Variants in SPSB4 observed in about 807,000 individuals in gnomAD.
SPSB4 encodes the protein SPRY domain-containing SOCS box protein 4.
A neutral mutation model predicts 20.9 loss-of-function variants in SPSB4; 21 were observed. The ratio of observed to expected loss-of-function variants is 1.01; its 90% CI spans 0.71 to 1.45. The LOEUF is 1.45. Ranked by LOEUF, SPSB4 falls within the 40% of genes most tolerant of loss-of-function variation. SPSB4 has a pLI of 0.00. For missense variants in SPSB4, 399 were observed against 399.2 expected, an observed-to-expected ratio of 1.00 and a Z score of 0.00; for synonymous variants, 207 against 183.8, an observed-to-expected ratio of 1.13 and a Z score of -1.02.
chr3:141,131,086 T>C (rs1215880658), intron 2 of SPSB4, among the ~76,000 whole-genome samples: 1 of 152,124 alleles, frequency 6.6e-6, no homozygotes, highest in East Asian at 1.9e-4. Flanking sequence ...AAGACACATT[T>C]TAGAGAGAAC....
chr3:141,066,894 C>G lies in SPSB4; in HGVS notation c.694+96C>G, dbSNP rs573536585. On this transcript the variant is annotated intron_variant, in intron 2 of 2. Transcript: ENST00000310546. ...ACCTCCATCGCCACTTGGGAGGATCCTGCAATGTGGAGGAATGGTCAGGAC... is the reference window on the plus strand; with the variant it reads ...ACCTCCATCGCCACTTGGGAGGATCGTGCAATGTGGAGGAATGGTCAGGAC... The G allele has an allele frequency of 8.0e-5, 102 of 1,267,886 alleles. No homozygotes were observed. In the African/African-American group the frequency reaches 1.3e-3, roughly 16 times the overall value. 78.5% of individuals were successfully genotyped at this position (1,267,886 alleles called of 1,614,324 possible). A position where few individuals can be genotyped will look rare whatever the true frequency, so the allele number is the denominator to read the frequency against.
chr3:141,082,618 G>GCTATGTATCTAT lies in SPSB4; in HGVS notation c.694+15824_694+15825insGTATCTATCTAT, dbSNP rs113189039. ...ATTATCTCCTTGCCCCAACCCAGGT[G>GCTATGTATCTAT]CTATCTATCTATCTATCTATCTATC... On this transcript the variant is annotated intron_variant, in intron 2 of 2. Transcript: ENST00000310546. Among the ~76,000 whole-genome samples the GCTATGTATCTAT allele has an allele frequency of 3.0e-3, 438 of 146,416 alleles. 4 individuals are homozygous for GCTATGTATCTAT. The highest frequency in any genetic ancestry group is 0.025 in the South Asian group (110 of 4,374).
At chr3:141,097,674 G>C (rs184409149) in intron 2 of SPSB4, among the ~76,000 whole-genome samples, 26 of 152,232 alleles carry the variant, frequency 1.7e-4, no homozygotes, top group Non-Finnish European at 3.2e-4. Flanking sequence ...GTTCAGTGAG[G>C]AGGAATGGTC....
At chr3:141,115,797 C>T (rs1278625496) in intron 2 of SPSB4, among the ~76,000 whole-genome samples, 3 of 152,196 alleles carry the variant, frequency 2.0e-5, no homozygotes, top group East Asian at 3.8e-4. Flanking sequence ...CAATTTTCCT[C>T]TTCTGGAGTA....
intron 2 of SPSB4, among the ~76,000 whole-genome samples, chr3:141,107,428 G>A (rs1202314774): frequency 1.3e-5 from 2 of 152,210 alleles, no homozygotes; most frequent in East Asian, 1.9e-4. Flanking sequence ...CAGCGACAGA[G>A]AAAACAGAGT....
At chr3:141,146,499 G>A (rs773125052) in intron 2 of SPSB4, among the ~76,000 whole-genome samples, 17 of 152,106 alleles carry the variant, frequency 1.1e-4, no homozygotes, top group Non-Finnish European at 2.2e-4. Flanking sequence ...ACACCAGGCC[G>A]GGCGCGGTGG....
At chr3:141,102,223 A>G (rs1938622427) in intron 2 of SPSB4, among the ~76,000 whole-genome samples, 1 of 152,186 alleles carries the variant, frequency 6.6e-6, no homozygotes, top group Non-Finnish European at 1.5e-5. Context: ...GTCACTTAGT[A>G]ACTGAGTAAT....
chr3:141,064,283 A>G (rs938191024), intron 1 of SPSB4, among the ~76,000 whole-genome samples: 8 of 152,170 alleles, frequency 5.3e-5, no homozygotes, highest in African/African-American at 1.9e-4. Context: ...TCAGGTTATA[A>G]ATGTGTTCTA....
At chr3:141,130,822 A>G (rs913970099) in intron 2 of SPSB4, among the ~76,000 whole-genome samples, 4 of 152,222 alleles carry the variant, frequency 2.6e-5, no homozygotes, top group Non-Finnish European at 4.4e-5. Context: ...GGGAAGTCCA[A>G]TGGCTCACCT....
Position 141,121,993 on chromosome 3 carries a change from C to T in SPSB4, c.695-25149C>T, listed in dbSNP as rs552419907. ...CTGCAATCCTTTAGAGGAGAAGAGA[C>T]GCTCTGGTTTTTGGAATTTTCAGCT... On this transcript the variant is annotated intron_variant, in intron 2 of 2. Coordinates refer to ENST00000310546, the MANE Select transcript of SPSB4 (RefSeq NM_080862.3). Among the ~76,000 whole-genome samples, 106 of 152,258 alleles carry T rather than the reference C, an allele frequency of 7.0e-4. 2 individuals are homozygous for T. The highest frequency in any genetic ancestry group is 3.4e-3 in the Middle Eastern group (1 of 294).
chr3:141,073,726 C>A (rs1210579081), intron 2 of SPSB4, among the ~76,000 whole-genome samples: 4 of 152,212 alleles, frequency 2.6e-5, no homozygotes, highest in Non-Finnish European at 2.9e-5. Context: ...CTTTCCTCTG[C>A]CACAGGGGGA....
At chr3:141,098,366 T>G (rs1222518269) in intron 2 of SPSB4, among the ~76,000 whole-genome samples, 1 of 152,260 alleles carries the variant, frequency 6.6e-6, no homozygotes, top group Non-Finnish European at 1.5e-5. Context: ...TAGATTATTT[T>G]AATGGATAAA....
intron 2 of SPSB4, among the ~76,000 whole-genome samples, chr3:141,133,006 G>A (rs1214993706): frequency 6.6e-6 from 1 of 151,924 alleles, no homozygotes; most frequent in Non-Finnish European, 1.5e-5. Flanking sequence ...GGCCATTCTT[G>A]CAGGAGTAAG....
chr3:141,112,123 T>G (rs1017659802), intron 2 of SPSB4, among the ~76,000 whole-genome samples: 2 of 152,250 alleles, frequency 1.3e-5, no homozygotes, highest in Non-Finnish European at 2.9e-5. Flanking sequence ...GGATCCCCAC[T>G]GATCACTCAC....
chr3:141,093,639 G>A (rs567965885), intron 2 of SPSB4, among the ~76,000 whole-genome samples: 5 of 152,256 alleles, frequency 3.3e-5, no homozygotes, highest in South Asian at 4.1e-4. Flanking sequence ...ACCCTGCGGC[G>A]CTGCAGAAGG....
chr3:141,123,284 A>C (rs1446486592), intron 2 of SPSB4, among the ~76,000 whole-genome samples: 1 of 152,232 alleles, frequency 6.6e-6, no homozygotes, highest in Non-Finnish European at 1.5e-5. Context: ...TGCCTAGAAC[A>C]TTGATAATCA....
chr3:141,086,856 CTT>C (rs1938352940), intron 2 of SPSB4, among the ~76,000 whole-genome samples: 1 of 152,182 alleles, frequency 6.6e-6, no homozygotes, highest in Admixed American at 6.5e-5. Context: ...TAACATTCCT[CTT>C]GGGGAAACTG....
chr3:141,091,610 T>C (rs746408030), intron 2 of SPSB4, among the ~76,000 whole-genome samples: 4 of 152,190 alleles, frequency 2.6e-5, no homozygotes, highest in Non-Finnish European at 4.4e-5. Flanking sequence ...CCACCACATG[T>C]TGGTGACAGA....
At chr3:141,079,919 A>G (rs1938195460) in intron 2 of SPSB4, among the ~76,000 whole-genome samples, 1 of 152,112 alleles carries the variant, frequency 6.6e-6, no homozygotes, top group African/African-American at 2.4e-5. Flanking sequence ...GCTGGGGATC[A>G]TGGAGGGCAG....
Sources: gnomAD v4.1 joint callset for allele counts (sites outside exome capture counted in the v4.1 genomes callset) on GRCh38, gnomAD v4.1.1 for gene constraint, MANE v1.5 for transcripts, NCBI Gene and HGNC (gene_info 2026-07-23, HGNC 2026-07-21) for gene names.